SUGCT: variants seen among roughly 807,000 people sequenced by gnomAD.
The protein encoded by SUGCT is succinyl-CoA:glutarate CoA-transferase.
Under a neutral mutation model 55.0 loss-of-function variants are expected in SUGCT, and 41 were observed. The observed-to-expected ratio is 0.74, with a 90% CI of 0.58 to 0.97. SUGCT has a LOEUF of 0.97. Among genes scored for constraint, SUGCT ranks in the 50% least tolerant of loss-of-function variants. SUGCT has a pLI of 0.00. For synonymous variants in SUGCT, 187 were observed against 200.4 expected (o/e 0.93, Z 0.56); for missense variants, 568 against 547.8 (o/e 1.04, Z -0.37).
intron 12 of SUGCT, among the ~76,000 whole-genome samples, chr7:40,590,197 C>G (rs1252587355): frequency 6.6e-6 from 1 of 152,162 alleles, no homozygotes; most frequent in African/African-American, 2.4e-5. Context: ...TCTGACAGCT[C>G]TAGTGATCAG....
chr7:41,025,431 G>A, the SUGCT span, among the ~76,000 whole-genome samples: 6 of 151,772 alleles, frequency 4.0e-5, no homozygotes, highest in South Asian at 4.2e-4. Context: ...GTGCAGTGGC[G>A]TGATCTCAGC....
chr7:40,656,261 G>A (rs1187038759), intron 12 of SUGCT, among the ~76,000 whole-genome samples: 4 of 148,270 alleles, frequency 2.7e-5, no homozygotes, highest in Non-Finnish European at 5.9e-5. Context: ...TAGACAAGAT[G>A]TCTGAACACC....
intron 13 of SUGCT, among the ~76,000 whole-genome samples, chr7:40,790,712 C>A (rs1442993844): frequency 6.6e-6 from 1 of 152,082 alleles, no homozygotes; most frequent in Non-Finnish European, 1.5e-5. Flanking sequence ...TTCTGATAAC[C>A]TTGAGAAAAT....
At chr7:40,928,089 C>A in the SUGCT span, among the ~76,000 whole-genome samples, 1 of 151,842 alleles carries the variant, frequency 6.6e-6, no homozygotes, top group Non-Finnish European at 1.5e-5. Context: ...CAAAGATATG[C>A]CTAGCTGTTG....
At chr7:40,195,708 CTTTTTTTTT>C (rs928397687) in intron 6 of SUGCT, among the ~76,000 whole-genome samples, 1 of 69,404 alleles carries the variant, frequency 1.4e-5, no homozygotes, top group Admixed American at 2.3e-4. Context: ...GAAAACAATT[CTTTTTTTTT>C]TTTTTTTTTT....
At chr7:40,453,632 C>T (rs1195324074) in intron 10 of SUGCT, among the ~76,000 whole-genome samples, 2 of 152,184 alleles carry the variant, frequency 1.3e-5, no homozygotes, top group African/African-American at 2.4e-5. Context: ...TCAAAGCCCA[C>T]AGAAGGTGGG....
At chr7:40,265,199 A>G (rs1395313231) in intron 7 of SUGCT, among the ~76,000 whole-genome samples, 1 of 152,344 alleles carries the variant, frequency 6.6e-6, no homozygotes, top group South Asian at 2.1e-4. Context: ...AAGATACAAC[A>G]TAGGGACACA....
chr7:40,873,110 G>A, the SUGCT span, among the ~76,000 whole-genome samples: 1 of 152,062 alleles, frequency 6.6e-6, no homozygotes, highest in Non-Finnish European at 1.5e-5. Flanking sequence ...GCTTTCAAGA[G>A]GTACTTAAGG....
chr7:40,497,293 C>A (rs751120776), intron 12 of SUGCT, among the ~76,000 whole-genome samples: 2 of 151,972 alleles, frequency 1.3e-5, no homozygotes, highest in South Asian at 4.1e-4. Flanking sequence ...AGGGAGGAGA[C>A]CTTTGTTGGA....
In SUGCT at chr7:40,189,119, G is replaced by A. The variant is rs191379564; in HGVS notation, c.313-425G>A. 3.4e-4 allele frequency among the ~76,000 whole-genome samples: 52 copies of A among 152,244 alleles called. No homozygotes were observed. The East Asian group carries it at 5.8e-3, about 17-fold the overall frequency. ...AGCACTTTGGGTGGCTGAGGCGGGC[G>A]GATCACGAGGTCAGGAGATCGAGAC... On this transcript the variant is annotated intron_variant, in intron 4 of 13. Transcript: ENST00000335693.
chr7:40,891,890 C>G, the SUGCT span, among the ~76,000 whole-genome samples: 1 of 152,008 alleles, frequency 6.6e-6, no homozygotes. Flanking sequence ...CACCTGTAAT[C>G]CCAGCTACTC....
At chr7:40,251,621 C>T (rs1021914284) in intron 7 of SUGCT, among the ~76,000 whole-genome samples, 2 of 152,228 alleles carry the variant, frequency 1.3e-5, no homozygotes, top group Non-Finnish European at 2.9e-5. Context: ...GTGGCAAATC[C>T]TGGCAGCACC....
At chr7:40,475,427 G>C (rs1790610912) in intron 11 of SUGCT, among the ~76,000 whole-genome samples, 1 of 152,148 alleles carries the variant, frequency 6.6e-6, no homozygotes, top group South Asian at 2.1e-4. Context: ...GACCTTGTTA[G>C]TAACTTCGGT....
intron 12 of SUGCT, among the ~76,000 whole-genome samples, chr7:40,560,010 T>C (rs1022814264): frequency 1.3e-5 from 2 of 152,240 alleles, no homozygotes; most frequent in South Asian, 2.1e-4. Flanking sequence ...TCAGGTCTTC[T>C]GTTGTGGATC....
intron 9 of SUGCT, among the ~76,000 whole-genome samples, chr7:40,439,185 T>C (rs1788364550): frequency 6.7e-6 from 1 of 148,544 alleles, no homozygotes; most frequent in Non-Finnish European, 1.5e-5. Context: ...ACTGTGGATC[T>C]CTAGGCATAA....
the SUGCT span, among the ~76,000 whole-genome samples, chr7:40,918,483 T>C: frequency 1.3e-5 from 2 of 149,606 alleles, no homozygotes; most frequent in African/African-American, 5.0e-5. Context: ...AAAAAAGGTT[T>C]GGGGGATATA....
At chr7:40,144,774 C>T (rs1475064889) in intron 1 of SUGCT, among the ~76,000 whole-genome samples, 1 of 152,162 alleles carries the variant, frequency 6.6e-6, no homozygotes, top group African/African-American at 2.4e-5. Context: ...TTTCCTTTAG[C>T]ACCTATTTTT....
intron 12 of SUGCT, among the ~76,000 whole-genome samples, chr7:40,624,516 C>T (rs958567747): frequency 3.9e-5 from 6 of 151,958 alleles, no homozygotes; most frequent in African/African-American, 1.5e-4. Flanking sequence ...AGCATTAAGC[C>T]GATTTTCCTA....
chr7:40,810,796 G>C (rs1315248495), intron 13 of SUGCT, among the ~76,000 whole-genome samples: 1 of 152,068 alleles, frequency 6.6e-6, no homozygotes, highest in Admixed American at 6.6e-5. Flanking sequence ...TTTTGTTTGT[G>C]TTGCAATTGC....
Sources: gnomAD v4.1 joint callset for allele counts (sites outside exome capture counted in the v4.1 genomes callset) on GRCh38, gnomAD v4.1.1 for gene constraint, MANE v1.5 for transcripts, NCBI Gene and HGNC (gene_info 2026-07-23, HGNC 2026-07-21) for gene names.